Variants in TBC1D4 observed in about 807,000 individuals in gnomAD.
The protein encoded by TBC1D4 is TBC (Tre-2, BUB2, CDC16) domain-containing protein.
In TBC1D4, 121 loss-of-function variants were observed where a neutral mutation model predicts 142.5. That is an observed-to-expected ratio of 0.85 (90% confidence interval 0.73 to 0.99). TBC1D4 has a LOEUF of 0.99. Ranked by LOEUF, TBC1D4 falls within the 50% of genes least tolerant of loss-of-function variation. TBC1D4 has a pLI of 0.00. For synonymous variants in TBC1D4, 630 were observed against 628.2 expected (o/e 1.00, Z -0.04); for missense variants, 1,475 against 1,606.6 (o/e 0.92, Z 1.40).
At chr13:75,387,617 G>A (rs1884252688) in intron 1 of TBC1D4, among the ~76,000 whole-genome samples, 1 of 152,178 alleles carries the variant, frequency 6.6e-6, no homozygotes, top group Non-Finnish European at 1.5e-5. Flanking sequence ...AAAGTCTTCA[G>A]CAAACTATCA....
At chr13:75,364,425 C>T (rs561217745) in intron 1 of TBC1D4, among the ~76,000 whole-genome samples, 13 of 152,348 alleles carry the variant, frequency 8.5e-5, no homozygotes, top group African/African-American at 3.1e-4. Context: ...AGAATTTCCG[C>T]TTGCTAGACC....
chr13:75,291,196 T>C (rs1030767682), intron 19 of TBC1D4, among the ~76,000 whole-genome samples: 8 of 152,134 alleles, frequency 5.3e-5, no homozygotes, highest in Non-Finnish European at 1.2e-4. Context: ...ACACTTACTT[T>C]CTGGCTGGCT....
At position 75,402,974 on chromosome 13, in the gene TBC1D4, G is replaced by A. The variant is rs1023731999; in HGVS notation, c.499-40367C>T. Among the ~76,000 whole-genome samples, 16 of 152,264 alleles carry A rather than the reference G, an allele frequency of 1.1e-4. No individual in the cohort carries two copies. The East Asian group carries it at 1.4e-3, about 13-fold the overall frequency. ...GTGAAGCCTGCCAGCCATCAGGCCC[G>A]GGTTAATGAGTTCCACAGTCCAGTT... On this transcript the variant is annotated intron_variant, in intron 1 of 20. Coordinates refer to ENST00000377636, the MANE Select transcript of TBC1D4 (RefSeq NM_014832.5).
chr13:75,468,004 C>T (rs1888240132), intron 1 of TBC1D4, among the ~76,000 whole-genome samples: 1 of 152,148 alleles, frequency 6.6e-6, no homozygotes, highest in Non-Finnish European at 1.5e-5. Flanking sequence ...GATCTCCTCT[C>T]CATTCATTCA....
chr13:75,360,910 T>C (rs550369508), intron 2 of TBC1D4, among the ~76,000 whole-genome samples: 57 of 152,318 alleles, frequency 3.7e-4, no homozygotes, highest in African/African-American at 1.3e-3. Flanking sequence ...CTTCTGATAT[T>C]ACACACCGGT....
At chr13:75,313,013 C>T in intron 12 of TBC1D4, 115 bp from the exon 13 acceptor site, 1 of 1,175,986 alleles carries the variant, frequency 8.5e-7, no homozygotes, top group South Asian at 1.3e-5. Flanking sequence ...GCACAAGCCA[C>T]AGGCAACATG....
chr13:75,432,409 A>T (rs1357211752), intron 1 of TBC1D4, among the ~76,000 whole-genome samples: 1 of 152,192 alleles, frequency 6.6e-6, no homozygotes, highest in East Asian at 1.9e-4. Flanking sequence ...AGCAGACAAA[A>T]CAACGATGTC....
chr13:75,327,913 A>G, intron 8 of TBC1D4, 87 bp from the exon 9 acceptor site: 1 of 1,334,428 alleles, frequency 7.5e-7, no homozygotes, highest in South Asian at 1.2e-5. Flanking sequence ...TGGTCTCTTA[A>G]TGTTAGCATT....
intron 2 of TBC1D4, among the ~76,000 whole-genome samples, chr13:75,360,692 C>G (rs1306509869): frequency 1.3e-5 from 2 of 152,142 alleles, no homozygotes; most frequent in African/African-American, 4.8e-5. Flanking sequence ...CATTTGTGTT[C>G]TGTGTGGGAT....
rs571941419 is a variant in TBC1D4, at chr13:75,407,351, C to T, written c.499-44744G>A. ...TCTTCTGTTTTTGTCAGATCAATTC[C>T]CTCCAAATCTCTTCCTCAAACAGCC... On this transcript the variant is annotated intron_variant, in intron 1 of 20. Coordinates refer to ENST00000377636, the MANE Select transcript of TBC1D4 (RefSeq NM_014832.5). Among the ~76,000 whole-genome samples, 40 of 152,286 alleles carry T rather than the reference C, an allele frequency of 2.6e-4. 1 individual carries two copies. The highest frequency in any genetic ancestry group is 1.6e-4 in the Non-Finnish European group (11 of 68,024).
intron 1 of TBC1D4, among the ~76,000 whole-genome samples, chr13:75,386,365 C>A (rs1363891178): frequency 6.7e-6 from 1 of 148,922 alleles, no homozygotes; most frequent in Non-Finnish European, 1.5e-5. Context: ...GCTTTTAATA[C>A]AGATTTGCTA....
At chr13:75,391,063 CA>C (rs1884458816) in intron 1 of TBC1D4, among the ~76,000 whole-genome samples, 1 of 146,900 alleles carries the variant, frequency 6.8e-6, no homozygotes, top group Non-Finnish European at 1.5e-5. Context: ...CACACACACA[CA>C]CACACACACA....
At chr13:75,320,181 T>A in intron 11 of TBC1D4, 144 bp from the exon 12 acceptor site, 1 of 728,004 alleles carries the variant, frequency 1.4e-6, no homozygotes, top group Non-Finnish European at 2.2e-6. Flanking sequence ...TAATTATACC[T>A]TTTTTTTTCA....
At position 75,466,564 on chromosome 13, in the gene TBC1D4, C is replaced by T. The variant is rs190428762; in HGVS notation, c.498+14706G>A. Among the ~76,000 whole-genome samples, 667 of 152,170 alleles carry T rather than the reference C, an allele frequency of 4.4e-3. 5 individuals are homozygous for T. The highest frequency in any genetic ancestry group is 0.015 in the African/African-American group (636 of 41,526). On this transcript the variant is annotated intron_variant, in intron 1 of 20. Coordinates refer to ENST00000377636, the MANE Select transcript of TBC1D4 (RefSeq NM_014832.5). ...TTGTAATTCTCTTTCACGGTAGTAGCGTGGCTTTTAAAAATATATCATCTG... is the reference window on the plus strand; with the variant it reads ...TTGTAATTCTCTTTCACGGTAGTAGTGTGGCTTTTAAAAATATATCATCTG...
Position 75,358,464 on chromosome 13 carries a change from A to G in TBC1D4, c.1170+1305T>C, listed in dbSNP as rs1593786046. Among the ~76,000 whole-genome samples, 8 of 152,334 alleles carry G rather than the reference A, an allele frequency of 5.3e-5. No homozygotes were observed. The East Asian group carries it at 1.3e-3, about 26-fold the overall frequency. On this transcript the variant is annotated intron_variant, in intron 3 of 20. Transcript: ENST00000377636. ...ATCAGAGTAGAAAATTTTTATCTAC[A>G]CAATGTAATTTTATGTCTCCATATA...
intron 1 of TBC1D4, among the ~76,000 whole-genome samples, chr13:75,389,600 GTTAA>G (rs1298174634): frequency 4.0e-5 from 6 of 151,634 alleles, no homozygotes; most frequent in South Asian, 2.1e-4. Context: ...ATGAGAAACA[GTTAA>G]TTAAACTGGT....
At chr13:75,366,069 CA>C in intron 1 of TBC1D4, among the ~76,000 whole-genome samples, 1 of 152,318 alleles carries the variant, frequency 6.6e-6, no homozygotes, top group South Asian at 2.1e-4. Context: ...TCAAGCTACA[CA>C]CCCTAGCTAC....
rs1874752555 is a variant in TBC1D4 at position 75,287,031 on chromosome 13, T to TC, written c.3664-7_3664-6insG. On this transcript the variant is annotated splice_region_variant and splice_polypyrimidine_tract_variant and intron_variant, in intron 20 of 20. Transcript: ENST00000377636. The stretch of plus-strand genomic sequence containing the variant: ...TGGATTTTAGTATGAGCTACCTGTT[T>TC]GGGGGGGAAAAAATCCTCCAAATCA... 10 of 1,600,530 alleles carry TC rather than the reference T, an allele frequency of 6.2e-6. No homozygotes were observed. Among genetic ancestry groups the TC allele is most frequent in the Middle Eastern group, 3.3e-4 (2 of 6,054 alleles).
At chr13:75,453,637 G>C (rs1887613593) in intron 1 of TBC1D4, among the ~76,000 whole-genome samples, 1 of 152,192 alleles carries the variant, frequency 6.6e-6, no homozygotes, top group Non-Finnish European at 1.5e-5. Context: ...CAAGGTGGGT[G>C]AATCACTTGA....
Sources: allele counts gnomAD v4.1 joint callset (sites outside exome capture counted in the v4.1 genomes callset), GRCh38; gene constraint gnomAD v4.1.1; transcripts MANE v1.5; gene names NCBI Gene and HGNC (gene_info 2026-07-23, HGNC 2026-07-21).